The following ADARB2 variants were observed in gnomAD, a reference collection of about 807,000 sequenced individuals.
The protein encoded by ADARB2 is adenosine deaminase RNA specific B2 (inactive), also known as inactive double-stranded RNA-specific editase B2.
ADARB2 carries 25 observed loss-of-function variants against 62.2 expected under a neutral mutation model. That is an observed-to-expected ratio of 0.40 (90% CI 0.29 to 0.56). The LOEUF (loss-of-function observed/expected upper bound fraction) is 0.56, where lower values mean the gene tolerates loss of function less well. ADARB2 is among the 20% of genes least tolerant of loss of function. ADARB2 has a pLI of 0.43. For missense variants in ADARB2, 1,071 were observed against 1,077.4 expected (o/e 0.99, Z 0.08); for synonymous variants, 572 against 500.8 (o/e 1.14, Z -1.90).
intron 3 of ADARB2, among the ~76,000 whole-genome samples, chr10:1,332,484 T>TTTTC (rs1554754782): frequency 6.7e-6 from 1 of 148,740 alleles, no homozygotes; most frequent in Non-Finnish European, 1.5e-5. Flanking sequence ...CAGTTTTGTT[T>TTTTC]TTTTTTTTTT....
At chr10:1,667,234 G>A (rs527593333) in intron 1 of ADARB2, among the ~76,000 whole-genome samples, 8 of 152,320 alleles carry the variant, frequency 5.3e-5, no homozygotes, top group Admixed American at 1.3e-4. Context: ...GATATTGCGA[G>A]CTTACAACTA....
intron 4 of ADARB2, among the ~76,000 whole-genome samples, chr10:1,261,940 C>T (rs1209324809): frequency 1.3e-5 from 2 of 148,224 alleles, no homozygotes; most frequent in Non-Finnish European, 3.0e-5. Flanking sequence ...GGCACATATA[C>T]ACCATGGAAT....
At chr10:1,612,226 C>T (rs1485958471) in intron 1 of ADARB2, among the ~76,000 whole-genome samples, 4 of 152,332 alleles carry the variant, frequency 2.6e-5, no homozygotes, top group South Asian at 2.1e-4. Context: ...GGAGGGGCCG[C>T]GTCCTTGTGC....
chr10:1,561,247 G>A (rs980681486), intron 1 of ADARB2, among the ~76,000 whole-genome samples: 1 of 152,178 alleles, frequency 6.6e-6, no homozygotes, highest in African/African-American at 2.4e-5. Context: ...GACCTGCCCA[G>A]CTCTGAGTGT....
chr10:1,730,296 C>G (rs968424190), intron 1 of ADARB2, among the ~76,000 whole-genome samples: 1 of 152,182 alleles, frequency 6.6e-6, no homozygotes. Flanking sequence ...TGAGACGGTA[C>G]TTAACACCAA....
At chr10:1,658,708 C>T (rs1327688539) in intron 1 of ADARB2, among the ~76,000 whole-genome samples, 1 of 152,244 alleles carries the variant, frequency 6.6e-6, no homozygotes, top group Non-Finnish European at 1.5e-5. Context: ...TAAGGAGCAA[C>T]TGGCATCAGA....
intron 3 of ADARB2, among the ~76,000 whole-genome samples, chr10:1,316,890 G>A (rs879863257): frequency 2.0e-5 from 3 of 152,166 alleles, no homozygotes; most frequent in African/African-American, 7.2e-5. Flanking sequence ...TCCTCACTCC[G>A]GAGGCATAAG....
At chr10:1,260,226 C>T (rs1831122968) in intron 4 of ADARB2, among the ~76,000 whole-genome samples, 2 of 152,162 alleles carry the variant, frequency 1.3e-5, no homozygotes, top group Admixed American at 1.3e-4. Flanking sequence ...GAAGCATTCC[C>T]TTTGAAAACT....
intron 6 of ADARB2, among the ~76,000 whole-genome samples, chr10:1,223,213 T>C (rs1830710779): frequency 6.6e-6 from 1 of 152,172 alleles, no homozygotes; most frequent in Non-Finnish European, 1.5e-5. Context: ...TTTGGCTCTC[T>C]GTTTGTCTGT....
At chr10:1,680,448 C>A (rs1035302010) in intron 1 of ADARB2, among the ~76,000 whole-genome samples, 1 of 152,090 alleles carries the variant, frequency 6.6e-6, no homozygotes, top group African/African-American at 2.4e-5. Context: ...GACTGCTGAT[C>A]GTCTTAGCCA....
intron 1 of ADARB2, among the ~76,000 whole-genome samples, chr10:1,411,699 G>T (rs758397858): frequency 6.6e-6 from 1 of 152,072 alleles, no homozygotes; most frequent in African/African-American, 2.4e-5. Context: ...GAGCTCCGCC[G>T]GCAAGAAGCG....
At chr10:1,570,108 A>T (rs1291067683) in intron 1 of ADARB2, among the ~76,000 whole-genome samples, 1 of 152,200 alleles carries the variant, frequency 6.6e-6, no homozygotes, top group African/African-American at 2.4e-5. Context: ...TATATACGTT[A>T]AAATTACCTT....
At position 1,366,391 on chromosome 10, in the gene ADARB2, C is replaced by T. The variant is rs961292197; in HGVS notation, c.188-2474G>A. On this transcript the variant is annotated intron_variant, in intron 2 of 9. Transcript: ENST00000381312. ...CGACCTGCTGGGTCCATACTACCCTCGCTGGTGAATGTGCTTCTGGAAGGC... is the reference window on the plus strand; with the variant it reads ...CGACCTGCTGGGTCCATACTACCCTTGCTGGTGAATGTGCTTCTGGAAGGC... 7.2e-4 allele frequency among the ~76,000 whole-genome samples: 110 copies of T among 152,292 alleles called. 1 individual carries two copies. Among genetic ancestry groups the T allele is most frequent in the Admixed American group, 1.4e-3 (22 of 15,296 alleles).
intron 1 of ADARB2, among the ~76,000 whole-genome samples, chr10:1,565,501 G>C (rs1832848813): frequency 6.6e-6 from 1 of 152,148 alleles, no homozygotes; most frequent in Non-Finnish European, 1.5e-5. Flanking sequence ...TCCACAAGAG[G>C]AGAAGAGGCT....
In ADARB2 at chr10:1,179,540, C is replaced by G; in HGVS notation, c.*3653G>C. 1 of 152,248 alleles carries G rather than the reference C, an allele frequency of 6.6e-6. No individual in the cohort carries two copies. The highest frequency in any genetic ancestry group is 1.9e-4 in the East Asian group (1 of 5,200). 9.4% of individuals were successfully genotyped at this position (152,248 alleles called of 1,614,324 possible). On this transcript the variant is annotated 3_prime_UTR_variant, in exon 10 of 10. Coordinates refer to ENST00000381312, the MANE Select transcript of ADARB2 (RefSeq NM_018702.4). ...CAGCGGAGGCTGCCTGGCCGCGCAG[C>G]CGTTCCCTGCGCCCCGTCCTGCAAA... is the stretch of plus-strand genomic sequence containing the variant.
intron 1 of ADARB2, among the ~76,000 whole-genome samples, chr10:1,557,626 G>T (rs1359598666): frequency 2.6e-5 from 4 of 152,172 alleles, no homozygotes; most frequent in Admixed American, 2.0e-4. Context: ...CTTCCGGGCC[G>T]GGTGCAGTGG....
At chr10:1,440,802 A>G (rs1360854557) in intron 1 of ADARB2, among the ~76,000 whole-genome samples, 1 of 152,248 alleles carries the variant, frequency 6.6e-6, no homozygotes, top group East Asian at 1.9e-4. Flanking sequence ...AACTGTTTTA[A>G]GTAATGAAAT....
chr10:1,724,903 G>A (rs1835144423), intron 1 of ADARB2, among the ~76,000 whole-genome samples: 1 of 152,194 alleles, frequency 6.6e-6, no homozygotes, highest in Non-Finnish European at 1.5e-5. Flanking sequence ...GCTGTAAAAT[G>A]AAGACAATAA....
intron 1 of ADARB2, among the ~76,000 whole-genome samples, chr10:1,545,362 G>A (rs1832503052): frequency 6.6e-6 from 1 of 152,182 alleles, no homozygotes; most frequent in South Asian, 2.1e-4. Flanking sequence ...ATTAAAATCA[G>A]TGTGATCTGA....
Sources: gnomAD v4.1 joint callset for allele counts (sites outside exome capture counted in the v4.1 genomes callset) on GRCh38, gnomAD v4.1.1 for gene constraint, MANE v1.5 for transcripts, NCBI Gene and HGNC (gene_info 2026-07-23, HGNC 2026-07-21) for gene names.